UBE2D3: variants seen among roughly 807,000 people sequenced by gnomAD.
UBE2D3 encodes ubiquitin-conjugating enzyme E2 D3.
Under a neutral mutation model 22.8 loss-of-function variants are expected in UBE2D3, and 2 were observed. That is an observed-to-expected ratio of 0.09 (90% CI 0.04 to 0.28). The LOEUF (loss-of-function observed/expected upper bound fraction) is 0.28, where lower values mean the gene tolerates loss of function less well. Ranked by LOEUF, UBE2D3 falls within the 10% of genes least tolerant of loss-of-function variation. The pLI, the probability that UBE2D3 is intolerant of heterozygous loss-of-function variation, is 1.00. For synonymous variants in UBE2D3, 56 were observed against 60.4 expected, an observed-to-expected ratio of 0.93 and a Z score of 0.34; for missense variants, 27 against 182.5, an observed-to-expected ratio of 0.15 and a Z score of 4.91.
intron 2 of UBE2D3, chr4:102,819,630 G>C: frequency 1.0e-6 from 1 of 985,030 alleles, no homozygotes; most frequent in Non-Finnish European, 1.2e-6. Context: ...CCCAAGGCTT[G>C]TCAAAATTCA....
intron 2 of UBE2D3, among the ~76,000 whole-genome samples, chr4:102,824,288 TAAAC>T (rs368678159): frequency 7.9e-5 from 12 of 152,316 alleles, no homozygotes; most frequent in Non-Finnish European, 1.3e-4. Context: ...TCAAAGTTCT[TAAAC>T]AAAAACGATT....
intron 4 of UBE2D3, among the ~76,000 whole-genome samples, chr4:102,805,511 T>TTTA (rs1373273755): frequency 6.6e-6 from 1 of 150,530 alleles, no homozygotes; most frequent in African/African-American, 2.5e-5. Context: ...TTTTTTTTTT[T>TTTA]AAAGTGGTGC....
At chr4:102,804,490 G>C (rs1726713966) in intron 4 of UBE2D3, among the ~76,000 whole-genome samples, 1 of 151,968 alleles carries the variant, frequency 6.6e-6, no homozygotes. Flanking sequence ...TATGGAACTA[G>C]AAAAACACTC....
At chr4:102,826,798 T>A in intron 1 of UBE2D3, 162 bp from the exon 2 acceptor site, 1 of 1,252,648 alleles carries the variant, frequency 8.0e-7, no homozygotes. Context: ...GGGGCGAGGG[T>A]GACGGGAAGA....
intron 2 of UBE2D3, among the ~76,000 whole-genome samples, chr4:102,821,100 A>G (rs1382041552): frequency 2.6e-5 from 4 of 152,158 alleles, no homozygotes; most frequent in South Asian, 4.1e-4. Context: ...GGGCAGTAAG[A>G]TATTTGGTGA....
chr4:102,825,758 AC>A (rs1041494063), intron 2 of UBE2D3: 4 of 473,166 alleles, frequency 8.5e-6, no homozygotes, highest in African/African-American at 8.0e-5. Context: ...CCCCTTATCC[AC>A]CCCCACTCTC....
At chr4:102,852,217 T>C (rs1466199319) in intron 1 of UBE2D3, among the ~76,000 whole-genome samples, 3 of 152,234 alleles carry the variant, frequency 2.0e-5, no homozygotes, top group Non-Finnish European at 2.9e-5. Flanking sequence ...TATTCACATA[T>C]TGAGTAGATC....
intron 2 of UBE2D3, chr4:102,812,679 T>C (rs113173760): frequency 2.0e-5 from 3 of 152,342 alleles, no homozygotes; most frequent in African/African-American, 7.2e-5. Context: ...GCTCTTTCAA[T>C]GGAGCTGCTA....
At chr4:102,811,888 C>G (rs1032951779) in intron 2 of UBE2D3, 6 of 367,238 alleles carry the variant, frequency 1.6e-5, no homozygotes, top group Non-Finnish European at 5.2e-6. Context: ...AAGCCAGTAT[C>G]AACTGTCTAC....
intron 2 of UBE2D3, among the ~76,000 whole-genome samples, chr4:102,824,144 T>G (rs1162528455): frequency 1.3e-5 from 2 of 152,218 alleles, no homozygotes; most frequent in African/African-American, 4.8e-5. Flanking sequence ...TTTCTGTAAG[T>G]TGAATCAATA....
chr4:102,839,540 C>T (rs555020871), intron 1 of UBE2D3, among the ~76,000 whole-genome samples: 23 of 152,152 alleles, frequency 1.5e-4, no homozygotes, highest in Non-Finnish European at 3.1e-4. Context: ...CCCAAAGTGC[C>T]ATGATTACAG....
upstream of UBE2D3, among the ~76,000 whole-genome samples, chr4:102,829,274 G>A (rs1341316316): frequency 6.6e-6 from 1 of 152,182 alleles, no homozygotes; most frequent in Non-Finnish European, 1.5e-5. Flanking sequence ...AAGCACTGAA[G>A]TGCTTACCTC....
chr4:102,817,410 ATCT>A (rs1367498941), intron 2 of UBE2D3, among the ~76,000 whole-genome samples: 1 of 152,200 alleles, frequency 6.6e-6, no homozygotes, highest in Non-Finnish European at 1.5e-5. Flanking sequence ...AATAGAGCTC[ATCT>A]TCTCTGTTTT....
intron 2 of UBE2D3, chr4:102,819,618 C>T (rs1039040114): frequency 2.0e-6 from 2 of 985,130 alleles, no homozygotes; most frequent in African/African-American, 3.5e-5. Context: ...AGGTTTCATC[C>T]CCCCAAGGCT....
intron 7 of UBE2D3, 83 bp from the exon 8 acceptor site, chr4:102,797,543 C>T (rs965199176): frequency 2.7e-6 from 3 of 1,112,302 alleles, no homozygotes; most frequent in Non-Finnish European, 2.6e-6. Context: ...TCCATTTTAT[C>T]ATCTCCAGAC....
upstream of UBE2D3, among the ~76,000 whole-genome samples, chr4:102,829,774 C>T (rs1043959491): frequency 6.6e-6 from 1 of 152,006 alleles, no homozygotes; most frequent in Admixed American, 6.6e-5. Flanking sequence ...CCCATCTCTA[C>T]TAAAAATACA....
intron 2 of UBE2D3, among the ~76,000 whole-genome samples, chr4:102,817,012 C>T (rs1728867341): frequency 6.6e-6 from 1 of 152,158 alleles, no homozygotes. Flanking sequence ...CTAACTTTTC[C>T]TGGGTTTAGA....
chr4:102,823,586 A>T (rs1290794103), intron 2 of UBE2D3, among the ~76,000 whole-genome samples: 1 of 152,262 alleles, frequency 6.6e-6, no homozygotes, highest in Non-Finnish European at 1.5e-5. Flanking sequence ...AACGTCCCTA[A>T]AACACATATA....
chr4:102,825,688 G>C, intron 2 of UBE2D3: 1 of 808,028 alleles, frequency 1.2e-6, no homozygotes, highest in Non-Finnish European at 1.8e-6. Context: ...CGAAACAAGG[G>C]TGTTATTAAA....
Sources: gnomAD v4.1 joint callset for allele counts (sites outside exome capture counted in the v4.1 genomes callset) on GRCh38, gnomAD v4.1.1 for gene constraint, MANE v1.5 for transcripts, NCBI Gene and HGNC (gene_info 2026-07-23, HGNC 2026-07-21) for gene names.